NRG1: variants seen among roughly 807,000 people sequenced by gnomAD.
The protein encoded by NRG1 is neuregulin 1.
Under a neutral mutation model 63.8 loss-of-function variants are expected in NRG1, and 18 were observed. The ratio of observed to expected loss-of-function variants is 0.28; its 90% CI spans 0.19 to 0.42. NRG1 has a LOEUF of 0.42. Among genes scored for constraint, NRG1 ranks in the 10% least tolerant of loss-of-function variants. The pLI is 1.00. For synonymous variants in NRG1, 302 were observed against 301.3 expected, an observed-to-expected ratio of 1.00 and a Z score of -0.02; for missense variants, 762 against 814.7, an observed-to-expected ratio of 0.94 and a Z score of 0.79.
At chr8:31,842,686 A>C (rs969456680) in intron 1 of NRG1, among the ~76,000 whole-genome samples, 4 of 152,196 alleles carry the variant, frequency 2.6e-5, no homozygotes, top group African/African-American at 9.7e-5. Context: ...CAGGAAATGC[A>C]TCATTTTATC....
At chr8:32,558,905 C>T (rs1248650083) in intron 1 of NRG1, among the ~76,000 whole-genome samples, 2 of 151,662 alleles carry the variant, frequency 1.3e-5, no homozygotes, top group Non-Finnish European at 2.9e-5. Context: ...CACAGGAGTC[C>T]TCATCTCTAC....
chr8:32,105,381 C>G (rs1831132884), intron 1 of NRG1, among the ~76,000 whole-genome samples: 1 of 152,158 alleles, frequency 6.6e-6, no homozygotes, highest in African/African-American at 2.4e-5. Flanking sequence ...GAAGGCACCT[C>G]TCACATGGCA....
chr8:32,725,328 A>G (rs1821813014), intron 5 of NRG1, among the ~76,000 whole-genome samples: 1 of 152,112 alleles, frequency 6.6e-6, no homozygotes, highest in African/African-American at 2.4e-5. Flanking sequence ...TGGTGACAGC[A>G]CACCACAGGT....
At chr8:32,242,161 G>A (rs763990968) in intron 1 of NRG1, among the ~76,000 whole-genome samples, 1 of 152,088 alleles carries the variant, frequency 6.6e-6, no homozygotes. Context: ...TAAATTGCAG[G>A]GTTTATTGGG....
chr8:31,647,378 A>C (rs1438983874), intron 1 of NRG1, among the ~76,000 whole-genome samples: 1 of 152,202 alleles, frequency 6.6e-6, no homozygotes, highest in Admixed American at 6.5e-5. Context: ...GCTCTGATGA[A>C]TAATGAGGTT....
At chr8:31,729,024 C>T (rs1213409977) in intron 1 of NRG1, among the ~76,000 whole-genome samples, 2 of 151,980 alleles carry the variant, frequency 1.3e-5, no homozygotes, top group African/African-American at 4.8e-5. Flanking sequence ...GAGGTAATAA[C>T]GTTTTCATTT....
intron 1 of NRG1, among the ~76,000 whole-genome samples, chr8:32,142,638 A>G (rs1836409403): frequency 6.6e-6 from 1 of 152,160 alleles, no homozygotes; most frequent in Non-Finnish European, 1.5e-5. Flanking sequence ...ATTGAGAACC[A>G]CTCAACAATT....
At position 32,042,038 on chromosome 8, in the gene NRG1, A is replaced by G. The variant is rs183398275; in HGVS notation, c.37+402607A>G. Among the ~76,000 whole-genome samples the G allele has an allele frequency of 4.6e-5, 7 of 152,350 alleles. No individual in the cohort carries two copies. The East Asian group carries it at 1.4e-3, about 29-fold the overall frequency. On this transcript the variant is annotated intron_variant, in intron 1 of 10. Transcript: ENST00000519301. ...AGTGCTCAGAAGAGTTTGAAAATGC[A>G]AATGATATTAAAATAAAGATGAAAA...
chr8:32,100,665 G>A (rs948607243), intron 1 of NRG1, among the ~76,000 whole-genome samples: 4 of 151,810 alleles, frequency 2.6e-5, no homozygotes, highest in South Asian at 2.1e-4. Context: ...GCAAATTTGC[G>A]TCCTTTTTTA....
At chr8:32,093,849 G>T (rs545339571) in intron 1 of NRG1, among the ~76,000 whole-genome samples, 3 of 152,244 alleles carry the variant, frequency 2.0e-5, no homozygotes, top group Admixed American at 6.5e-5. Flanking sequence ...GTTGCTTATG[G>T]GTATCCTTTC....
intron 7 of NRG1, among the ~76,000 whole-genome samples, chr8:32,773,070 C>T (rs759179034): frequency 2.9e-4 from 44 of 152,232 alleles, no homozygotes; most frequent in Non-Finnish European, 4.7e-4. Context: ...GTTCTGAAGT[C>T]GGAAGACCAC....
chr8:31,813,566 G>T (rs1168767398), intron 1 of NRG1, among the ~76,000 whole-genome samples: 2 of 121,674 alleles, frequency 1.6e-5, no homozygotes, highest in African/African-American at 6.0e-5. Context: ...CTGTCTTCCA[G>T]GCTGGAGAGC....
chr8:31,983,842 C>T (rs1236551782), intron 1 of NRG1, among the ~76,000 whole-genome samples: 2 of 151,930 alleles, frequency 1.3e-5, no homozygotes, highest in African/African-American at 2.4e-5. Flanking sequence ...AAGATAATGA[C>T]CACAAGTTGA....
Position 32,756,545 on chromosome 8 carries a change from C to G in NRG1, c.921+16C>G. ...GCTGGTGAATGTACGTTGACTCTGG[C>G]CAGTGGAAAAAACTGAGCCTCTCTC... On this transcript the variant is annotated intron_variant, in intron 9 of 11. Transcript: ENST00000356819. 6.3e-7 allele frequency: 1 copy of G among 1,597,504 alleles called. No homozygotes were observed. The highest frequency in any genetic ancestry group is 1.7e-4 in the Middle Eastern group (1 of 5,928).
intron 1 of NRG1, among the ~76,000 whole-genome samples, chr8:31,711,458 G>GT (rs1409406248): frequency 7.2e-5 from 11 of 152,174 alleles, no homozygotes; most frequent in Non-Finnish European, 1.6e-4. Context: ...GTAATTTACT[G>GT]TTTTTGCTGG....
intron 1 of NRG1, among the ~76,000 whole-genome samples, chr8:31,756,093 A>ACAGTCATAGCATCTT (rs572718718): frequency 5.8e-4 from 88 of 152,276 alleles, no homozygotes; most frequent in African/African-American, 1.9e-3. Flanking sequence ...CAAGATCCTT[A>ACAGTCATAGCATCTT]CAGTCATAGC....
chr8:32,178,869 A>G (rs978842635), intron 1 of NRG1, among the ~76,000 whole-genome samples: 12 of 152,162 alleles, frequency 7.9e-5, no homozygotes, highest in Non-Finnish European at 1.5e-4. Flanking sequence ...CATGAAACAT[A>G]TAAGACTTCT....
At chr8:32,063,777 A>G (rs1244542408) in intron 1 of NRG1, among the ~76,000 whole-genome samples, 1 of 152,166 alleles carries the variant, frequency 6.6e-6, no homozygotes, top group Non-Finnish European at 1.5e-5. Context: ...TTTATGTTTA[A>G]TAAAAAACAT....
intron 1 of NRG1, among the ~76,000 whole-genome samples, chr8:31,928,690 C>T (rs2129619738): frequency 6.6e-6 from 1 of 151,918 alleles, no homozygotes; most frequent in South Asian, 2.1e-4. Context: ...ACTATTCAGC[C>T]ATTTAAAAAG....
Sources: gnomAD v4.1 joint callset for allele counts (sites outside exome capture counted in the v4.1 genomes callset) on GRCh38, gnomAD v4.1.1 for gene constraint, MANE v1.5 for transcripts, NCBI Gene and HGNC (gene_info 2026-07-23, HGNC 2026-07-21) for gene names.